The following SAMSN1 variants were observed in gnomAD, a reference collection of about 807,000 sequenced individuals.
The protein encoded by SAMSN1 is SAM domain-containing protein SAMSN-1.
SAMSN1 carries 31 observed loss-of-function variants against 42.0 expected under a neutral mutation model. The ratio of observed to expected loss-of-function variants is 0.74; its 90% CI spans 0.55 to 1.00. The LOEUF is 1.00. Ranked by LOEUF, SAMSN1 falls within the 50% of genes least tolerant of loss-of-function variation. The pLI is 0.00. For missense variants in SAMSN1, 464 were observed against 439.4 expected, an observed-to-expected ratio of 1.06 and a Z score of -0.50; for synonymous variants, 178 against 151.9, an observed-to-expected ratio of 1.17 and a Z score of -1.26.
At position 14,563,922 on chromosome 21, in the gene SAMSN1, G is replaced by A. The variant is rs79487874; in HGVS notation, c.261+18214C>T. On this transcript the variant is annotated intron_variant, in intron 2 of 8. Transcript: ENST00000285670. ...TTAACAAGAATATAGGTACAATTAA[G>A]AATGGTAGCAAAAGTGAACCAAAAA... Among the ~76,000 whole-genome samples the A allele has an allele frequency of 7.6e-3, 1,161 of 152,252 alleles. 11 individuals are homozygous for A. Among genetic ancestry groups the A allele is most frequent in the African/African-American group, 0.026 (1,098 of 41,548 alleles).
Position 14,498,488 on chromosome 21 carries a change from G to A in SAMSN1, c.873C>T (p.Asp291=). 3 of 1,611,356 alleles carry A rather than the reference G, an allele frequency of 1.9e-6. No individual in the cohort carries two copies. Among genetic ancestry groups the A allele is most frequent in the Non-Finnish European group, 2.5e-6 (3 of 1,179,168 alleles). Residue 291 remains aspartate, a synonymous_variant, in exon 7 of 8, where the codon GAC becomes GAT. Coordinates refer to ENST00000400566, the MANE Select transcript of SAMSN1 (RefSeq NM_022136.5). ...LIELNIENPD[D]RRRLLSAAEN... ...CAGCAGCTGATAGTAACCTTCTTCT[G>A]TCATCTGGGTTTTCAATATTTAATT... is the stretch of plus-strand genomic sequence containing the variant.
chr21:14,644,444 G>A (rs1983672176), intron 1 of SAMSN1, among the ~76,000 whole-genome samples: 1 of 152,066 alleles, frequency 6.6e-6, no homozygotes, highest in Non-Finnish European at 1.5e-5. Flanking sequence ...CTGCCCTGAA[G>A]GAAAGGGTTC....
intron 7 of SAMSN1, among the ~76,000 whole-genome samples, chr21:14,593,244 G>A (rs1982145766): frequency 6.6e-6 from 1 of 152,088 alleles, no homozygotes; most frequent in South Asian, 2.1e-4. Context: ...ACTAAGAGTA[G>A]TTATTTCTCA....
chr21:14,597,650 A>G (rs1179513790), intron 6 of SAMSN1, among the ~76,000 whole-genome samples: 1 of 152,192 alleles, frequency 6.6e-6, no homozygotes, highest in African/African-American at 2.4e-5. Flanking sequence ...AGAATAACCA[A>G]CAGTGGTGGC....
chr21:14,538,232 T>TA (rs1243779927), intron 1 of SAMSN1, among the ~76,000 whole-genome samples: 36 of 152,298 alleles, frequency 2.4e-4, no homozygotes, highest in African/African-American at 8.7e-4. Flanking sequence ...ACATATTACC[T>TA]ACATTTTATA....
At chr21:14,572,369 T>C (rs1316598496) in intron 2 of SAMSN1, among the ~76,000 whole-genome samples, 1 of 152,150 alleles carries the variant, frequency 6.6e-6, no homozygotes, top group Non-Finnish European at 1.5e-5. Context: ...AGACAGTAAA[T>C]GGTGAGGCCA....
chr21:14,601,597 C>G (rs1350019585), intron 6 of SAMSN1, among the ~76,000 whole-genome samples: 1 of 152,122 alleles, frequency 6.6e-6, no homozygotes, highest in African/African-American at 2.4e-5. Flanking sequence ...TGTTACATTA[C>G]TATTATTAGT....
In SAMSN1 at chr21:14,619,595, C is replaced by T. The variant is rs115494973; in HGVS notation, c.157-3579G>A. Reference sequence around the variant, plus strand: ...TTTTATTCAACAAACACTTATTGAACATCTACTATGTACCAGACACTGTTG... The same window carrying T: ...TTTTATTCAACAAACACTTATTGAATATCTACTATGTACCAGACACTGTTG... On this transcript the variant is annotated intron_variant, in intron 2 of 15. Transcript: ENST00000647101. 1,745 of 216,288 alleles carry T rather than the reference C, an allele frequency of 8.1e-3. 37 individuals carry two copies. The highest frequency in any genetic ancestry group is 0.038 in the African/African-American group (1,647 of 43,088). 13.4% of individuals were successfully genotyped at this position (216,288 alleles called of 1,614,324 possible). A position where few individuals can be genotyped will look rare whatever the true frequency, so the allele number is the denominator to read the frequency against.
intron 6 of SAMSN1, chr21:14,598,338 A>G (rs1261896426): frequency 1.3e-5 from 2 of 152,204 alleles, no homozygotes; most frequent in East Asian, 1.9e-4. Flanking sequence ...TGCATATTTT[A>G]TTCCCCTTTT....
chr21:14,612,943 G>A, intron 3 of SAMSN1: 1 of 681,100 alleles, frequency 1.5e-6, no homozygotes, highest in Non-Finnish European at 2.7e-6. Context: ...AGATATTTAA[G>A]TCTAGATTTA....
chr21:14,633,386 T>A (rs1983381650), intron 2 of SAMSN1, among the ~76,000 whole-genome samples: 1 of 152,200 alleles, frequency 6.6e-6, no homozygotes, highest in South Asian at 2.1e-4. Context: ...TAAATGTATT[T>A]ATGGAGCCAT....
intron 5 of SAMSN1, among the ~76,000 whole-genome samples, chr21:14,504,724 T>C (rs564243436): frequency 1.3e-5 from 2 of 152,210 alleles, no homozygotes; most frequent in Admixed American, 6.5e-5. Context: ...GCTAGAGATC[T>C]AGACATCCAA....
At chr21:14,520,927 ATGTGTC>A in intron 2 of SAMSN1, among the ~76,000 whole-genome samples, 1 of 151,808 alleles carries the variant, frequency 6.6e-6, no homozygotes, top group East Asian at 1.9e-4. Context: ...TCACCCTACA[ATGTGTC>A]TGTGTGCCTA....
chr21:14,657,960 AG>A (rs1983942533), intron 1 of SAMSN1, among the ~76,000 whole-genome samples: 1 of 151,826 alleles, frequency 6.6e-6, no homozygotes, highest in Admixed American at 6.6e-5. Context: ...CATCAGAACT[AG>A]GCCATCTTAC....
At chr21:14,623,801 A>G (rs1457012218) in intron 2 of SAMSN1, among the ~76,000 whole-genome samples, 1 of 152,158 alleles carries the variant, frequency 6.6e-6, no homozygotes, top group Non-Finnish European at 1.5e-5. Flanking sequence ...AGAACTCTCC[A>G]CCCCAATTCA....
intron 2 of SAMSN1, chr21:14,582,059 A>G: frequency 3.0e-6 from 4 of 1,315,316 alleles, no homozygotes; most frequent in Middle Eastern, 2.3e-4. Context: ...ACTGATTAGC[A>G]CTTTTGCTAT....
intron 4 of SAMSN1, 86 bp downstream of exon 4, chr21:14,512,358 C>A (rs1987722521): frequency 2.1e-6 from 3 of 1,412,642 alleles, no homozygotes; most frequent in Admixed American, 1.8e-5. Flanking sequence ...TAGCTGGAAC[C>A]TTGTGGCTGA....
chr21:14,654,946 A>C (rs1400134992), intron 1 of SAMSN1, among the ~76,000 whole-genome samples: 2 of 152,012 alleles, frequency 1.3e-5, no homozygotes, highest in Non-Finnish European at 2.9e-5. Context: ...ATGCTGAGGA[A>C]GAGAGCCAAC....
chr21:14,558,199 C>T (rs1220739900), intron 2 of SAMSN1, among the ~76,000 whole-genome samples: 1 of 152,124 alleles, frequency 6.6e-6, no homozygotes, highest in Non-Finnish European at 1.5e-5. Context: ...ATCGTCTCAA[C>T]TGTATAGGTG....
Sources: gnomAD v4.1 joint callset for allele counts (sites outside exome capture counted in the v4.1 genomes callset) on GRCh38, gnomAD v4.1.1 for gene constraint, MANE v1.5 for transcripts, NCBI Gene and HGNC (gene_info 2026-07-23, HGNC 2026-07-21) for gene names.